Variants in PSD3 observed in about 807,000 individuals in gnomAD.
PSD3 encodes the protein PH and SEC7 domain-containing protein 3.
PSD3 carries 49 observed loss-of-function variants against 105.5 expected under a neutral mutation model. That is an observed-to-expected ratio of 0.46 (90% CI 0.37 to 0.59). The LOEUF is 0.59. PSD3 is among the 20% of genes least tolerant of loss of function. The pLI is 0.00. For synonymous variants in PSD3, 557 were observed against 457.8 expected (o/e 1.22, Z -2.77); for missense variants, 1,561 against 1,263.8 (o/e 1.24, Z -3.57).
At chr8:19,051,484 T>C (rs533606369) in intron 1 of PSD3, among the ~76,000 whole-genome samples, 157 of 152,348 alleles carry the variant, frequency 1.0e-3, no homozygotes, top group Non-Finnish European at 1.4e-3. Flanking sequence ...TGCTGGCACA[T>C]ACTAGGCACT....
chr8:18,960,331 TG>T (rs1248815349), intron 1 of PSD3, among the ~76,000 whole-genome samples: 8 of 152,178 alleles, frequency 5.3e-5, no homozygotes, highest in Non-Finnish European at 2.9e-5. Context: ...CTTCTGAAGA[TG>T]AGTAATCGAT....
At chr8:18,627,323 G>A (rs769722815) in intron 11 of PSD3, among the ~76,000 whole-genome samples, 10 of 151,952 alleles carry the variant, frequency 6.6e-5, no homozygotes, top group Non-Finnish European at 1.2e-4. Flanking sequence ...GTAGAGCTGC[G>A]TAAAACAGAG....
intron 2 of PSD3, among the ~76,000 whole-genome samples, chr8:18,923,496 C>T (rs28630874): frequency 0.023 from 3,491 of 152,226 alleles, 93 homozygotes; most frequent in African/African-American, 0.06. Flanking sequence ...ACATATAGGA[C>T]GCTGATCCAT....
chr8:18,752,566 T>TATATATATA (rs1563225483), intron 9 of PSD3, among the ~76,000 whole-genome samples: 6 of 76,240 alleles, frequency 7.9e-5, no homozygotes, highest in African/African-American at 4.3e-4. Flanking sequence ...TTATATATAT[T>TATATATATA]ATATATATAA....
chr8:18,643,513 C>T (rs1373853034), intron 10 of PSD3, among the ~76,000 whole-genome samples: 1 of 152,186 alleles, frequency 6.6e-6, no homozygotes, highest in Non-Finnish European at 1.5e-5. Flanking sequence ...CAGCTGTGGG[C>T]CTGTGAAATC....
intron 15 of PSD3, among the ~76,000 whole-genome samples, chr8:18,538,212 G>A (rs1356513881): frequency 6.6e-6 from 1 of 152,220 alleles, no homozygotes; most frequent in East Asian, 1.9e-4. Context: ...TGTTTATCAA[G>A]TATTGTTATT....
chr8:18,786,078 C>G (rs1563265596), intron 8 of PSD3, among the ~76,000 whole-genome samples: 1 of 152,066 alleles, frequency 6.6e-6, no homozygotes, highest in Non-Finnish European at 1.5e-5. Flanking sequence ...AAAAAGTTTC[C>G]CTGTGGTCCC....
At chr8:18,972,259 T>C (rs1165421448) in intron 1 of PSD3, among the ~76,000 whole-genome samples, 2 of 152,182 alleles carry the variant, frequency 1.3e-5, no homozygotes, top group Non-Finnish European at 2.9e-5. Flanking sequence ...TTTCCACTTG[T>C]GAAAAGCAAA....
chr8:18,551,802 G>T (rs375915987), intron 15 of PSD3, among the ~76,000 whole-genome samples: 146 of 152,124 alleles, frequency 9.6e-4, no homozygotes, highest in African/African-American at 3.4e-3. Context: ...CACATATACC[G>T]AGAAGTATCT....
chr8:18,864,381 C>T (rs534391515), intron 4 of PSD3, among the ~76,000 whole-genome samples: 2 of 152,244 alleles, frequency 1.3e-5, no homozygotes, highest in Admixed American at 6.5e-5. Flanking sequence ...ATTATGAGAA[C>T]GAAGCATCAT....
intron 9 of PSD3, among the ~76,000 whole-genome samples, chr8:18,660,713 A>G (rs1809284953): frequency 6.6e-6 from 1 of 152,216 alleles, no homozygotes; most frequent in Admixed American, 6.5e-5. Flanking sequence ...AATGCTCCAC[A>G]TGTAACTCTG....
upstream of PSD3, among the ~76,000 whole-genome samples, chr8:19,017,936 T>C (rs907050818): frequency 2.2e-4 from 33 of 152,238 alleles, no homozygotes; most frequent in African/African-American, 7.7e-4. Context: ...AGAGTAGAAA[T>C]TGTGGGTTAT....
Position 18,534,314 on chromosome 8 carries a change from A to G in PSD3, c.*1429T>C, listed in dbSNP as rs1331752805. 6.5e-5 allele frequency: 10 copies of G among 152,716 alleles called. No homozygotes were observed. In the East Asian group the frequency reaches 1.9e-3, roughly 29 times the overall value. The allele number at this position is 152,716 out of a possible 1,614,324, so 9.5% of individuals were successfully genotyped here. ...TAACTTTAGGGATTACAGAGTTTCAAGGTTAGGAAATCACAAAGCTCTAGG... is the reference window on the plus strand; with the variant it reads ...TAACTTTAGGGATTACAGAGTTTCAGGGTTAGGAAATCACAAAGCTCTAGG... On this transcript the variant is annotated 3_prime_UTR_variant, in exon 16 of 16. Transcript: ENST00000327040.
intron 1 of PSD3, among the ~76,000 whole-genome samples, chr8:18,975,664 G>A (rs914241408): frequency 6.6e-6 from 1 of 152,146 alleles, no homozygotes; most frequent in Non-Finnish European, 1.5e-5. Flanking sequence ...TACCATCAGT[G>A]TTGGGAAGGT....
chr8:18,995,099 A>G (rs190757547), intron 1 of PSD3, among the ~76,000 whole-genome samples: 55 of 152,298 alleles, frequency 3.6e-4, no homozygotes, highest in Non-Finnish European at 5.9e-4. Flanking sequence ...GGAGCTGTTT[A>G]CTGAAGAGAT....
intron 1 of PSD3, among the ~76,000 whole-genome samples, chr8:19,067,145 G>A (rs751298560): frequency 6.6e-6 from 1 of 152,178 alleles, no homozygotes; most frequent in African/African-American, 2.4e-5. Flanking sequence ...TCAGTTTGCG[G>A]GAACTGTAAA....
chr8:18,663,997 G>C (rs556244045), intron 9 of PSD3, among the ~76,000 whole-genome samples: 2 of 152,152 alleles, frequency 1.3e-5, no homozygotes, highest in East Asian at 3.9e-4. Flanking sequence ...TAATTGTTTT[G>C]GGGAGCCATT....
chr8:18,549,946 G>A (rs186113232), intron 15 of PSD3, among the ~76,000 whole-genome samples: 5 of 152,278 alleles, frequency 3.3e-5, no homozygotes, highest in Admixed American at 1.3e-4. Flanking sequence ...TTTCTATGAC[G>A]AGGAAACTGA....
chr8:18,853,787 C>G (rs1815779015), intron 4 of PSD3, among the ~76,000 whole-genome samples: 1 of 152,104 alleles, frequency 6.6e-6, no homozygotes, highest in Admixed American at 6.5e-5. Flanking sequence ...CAAAGGGTAG[C>G]TGGAGTTCAC....
Sources: allele counts gnomAD v4.1 joint callset (sites outside exome capture counted in the v4.1 genomes callset), GRCh38; gene constraint gnomAD v4.1.1; transcripts MANE v1.5; gene names NCBI Gene and HGNC (gene_info 2026-07-23, HGNC 2026-07-21).